Variants in CRB3 observed in about 807,000 individuals in gnomAD.
CRB3 encodes the protein crumbs cell polarity complex component 3.
In CRB3, 4 loss-of-function variants were observed where a neutral mutation model predicts 10.4. The observed-to-expected ratio is 0.39, with a 90% CI of 0.19 to 0.88. CRB3 has a LOEUF of 0.88. Among genes scored for constraint, CRB3 ranks in the 40% least tolerant of loss-of-function variants. The pLI, the probability that CRB3 is intolerant of heterozygous loss-of-function variation, is 0.39. For missense variants in CRB3, 154 were observed against 160.2 expected (o/e 0.96, Z 0.21); for synonymous variants, 74 against 73.4 (o/e 1.01, Z -0.04).
chr19:6,465,331 C>T (rs1396755587), intron 2 of CRB3: 11 of 604,726 alleles, frequency 1.8e-5, no homozygotes, highest in African/African-American at 5.6e-5. Context: ...CTGGGCTCTG[C>T]GGGACTGGGT....
intron 2 of CRB3, 54 bp from the exon 3 acceptor site, chr19:6,465,491 G>C: frequency 5.4e-6 from 8 of 1,478,092 alleles, no homozygotes; most frequent in Non-Finnish European, 7.6e-6. Context: ...CAGATGGGCG[G>C]GGATGGGAGA....
In CRB3 at chr19:6,465,607, G is replaced by A. The variant is rs769244816; in HGVS notation, c.145G>A (p.Asp49Asn). The A allele has an allele frequency of 1.7e-5, 28 of 1,613,508 alleles. No homozygotes were observed. Among genetic ancestry groups the A allele is most frequent in the Admixed American group, 3.3e-5 (2 of 59,992 alleles). The change falls in exon 3 of 4, where the codon GAT (aspartate) becomes AAT (asparagine). Residue 49 changes from aspartate (D) to asparagine (N), a missense_variant. Coordinates refer to ENST00000600229, the MANE Select transcript of CRB3 (RefSeq NM_139161.5). The stretch of plus-strand genomic sequence containing the variant: ...GCCTTCATCCACCAGCTCCAGCTCC[G>A]ATGGCAACCTGGTGAGTTGGAGGTA... ...VLPSSTSSSS[D>N]GNLRPEAITA...
At position 6,466,876 on chromosome 19, in the gene CRB3, C is replaced by A. The variant is rs2092797583; in HGVS notation, c.*204C>A. On this transcript the variant is annotated 3_prime_UTR_variant, in exon 4 of 4. Transcript: ENST00000600229. This position sits in a 1 kb window ranked among gnomAD's most constrained non-coding sequence, Gnocchi z 4.9. The stretch of plus-strand genomic sequence containing the variant: ...AGCTCAGGGTGCTGGGGCTCGGGAC[C>A]CACCCCCCTGCTTGCGGAACCAACT... 6.3e-7 allele frequency: 1 copy of A among 1,581,638 alleles called. No homozygotes were observed. Among genetic ancestry groups the A allele is most frequent in the South Asian group, 1.2e-5 (1 of 86,262 alleles).
chr19:6,466,607 C>G lies in CRB3; in HGVS notation c.298C>G (p.Gln100Glu). The G allele has an allele frequency of 6.2e-7, 1 of 1,606,540 alleles. No individual in the cohort carries two copies. The highest frequency in any genetic ancestry group is 1.3e-5 in the African/African-American group (1 of 75,046). The change falls in exon 4 of 4, where the codon CAG (glutamine) becomes GAG (glutamate). Residue 100 changes from glutamine (Q) to glutamate (E), a missense_variant. Physicochemically the swap from Gln to Glu is conservative, Grantham distance 29 (BLOSUM62 2). Transcript: ENST00000600229. The surrounding 1 kb of genome is among the most constrained non-coding windows in gnomAD (Gnocchi z 4.9). ...CACCTACCGGCCCAGTAGCGAGGAGCAGGTGGGTGCCCGCGTGCCACCGAC... is the reference window on the plus strand; with the variant it reads ...CACCTACCGGCCCAGTAGCGAGGAGGAGGTGGGTGCCCGCGTGCCACCGAC... Reference protein sequence around the residue: ...EGTYRPSSEEQVGARVPPTPN... With the variant: ...EGTYRPSSEEEVGARVPPTPN...
chr19:6,464,438 C>T lies in CRB3; in HGVS notation c.-95+88C>T. The T allele has an allele frequency of 2.8e-6, 1 of 355,112 alleles. No homozygotes were observed. Among genetic ancestry groups the T allele is most frequent in the Non-Finnish European group, 5.0e-6 (1 of 198,536 alleles). 22.0% of individuals were successfully genotyped at this position (355,112 alleles called of 1,614,324 possible). A position where few individuals can be genotyped will look rare whatever the true frequency, so the allele number is the denominator to read the frequency against. ...CCGTCCCGTCCCGTCCCCTTCCTTT[C>T]CCCAGCCCAGGAACGCGCTCCTGGG... On this transcript the variant is annotated intron_variant, in intron 1 of 3. Transcript: ENST00000600229. The surrounding 1 kb of genome is among the most constrained non-coding windows in gnomAD (Gnocchi z 5.3).
intron 2 of CRB3, chr19:6,465,247 C>G (rs2092788545): frequency 2.5e-6 from 1 of 396,578 alleles, no homozygotes; most frequent in East Asian, 4.3e-5. Context: ...CAGGGAAAAG[C>G]TAGGCCCGCC....
rs950504339 is a variant in CRB3, at chr19:6,467,093, A to G, written c.*421A>G. On this transcript the variant is annotated 3_prime_UTR_variant, in exon 4 of 4. Coordinates refer to ENST00000600229, the MANE Select transcript of CRB3 (RefSeq NM_139161.5). ...GGGAAAGGCAGTGCCCTCTCTGGGC[A>G]GTCAGATCCACCCAGTGCTTAATAG... The G allele has an allele frequency of 5.0e-6, 7 of 1,393,450 alleles. No individual in the cohort carries two copies. The highest frequency in any genetic ancestry group is 5.1e-6 in the Non-Finnish European group (5 of 985,600). 86.3% of individuals were successfully genotyped at this position (1,393,450 alleles called of 1,614,324 possible).
chr19:6,465,759 G>C, intron 3 of CRB3, 141 bp downstream of exon 3: 3 of 743,358 alleles, frequency 4.0e-6, no homozygotes, highest in Non-Finnish European at 4.9e-6. Flanking sequence ...AAGTAGGAGA[G>C]ACCTGAAGTC....
Position 6,465,341 on chromosome 19 carries a change from T to TGG in CRB3, c.83-204_83-203insGG, listed in dbSNP as rs1568389057. ...CCCTACTGGGCTCTGCGGGACTGGG[T>TGG]CGGGGGGGTGTCCTGGGGAGCAAAC... On this transcript the variant is annotated intron_variant, in intron 2 of 3. Coordinates refer to ENST00000600229, the MANE Select transcript of CRB3 (RefSeq NM_139161.5). 79 of 632,460 alleles carry TGG rather than the reference T, an allele frequency of 1.2e-4. No homozygotes were observed. The African/African-American group carries it at 1.4e-3, about 11-fold the overall frequency. The allele number at this position is 632,460 out of a possible 1,614,324, so 39.2% of individuals were successfully genotyped here. A position where few individuals can be genotyped will look rare whatever the true frequency, so the allele number is the denominator to read the frequency against.
At position 6,467,136 on chromosome 19, in the gene CRB3, CA is replaced by C; in HGVS notation, c.*467del. ...CTTAATAGCAGGGAAGAAGGTACTT[CA>C]AAGACTCTGCCCCTGAGGTCAAGAG... On this transcript the variant is annotated 3_prime_UTR_variant, in exon 4 of 4. Transcript: ENST00000600229. 1.1e-6 allele frequency: 1 copy of C among 906,048 alleles called. No individual in the cohort carries two copies. Among genetic ancestry groups the C allele is most frequent in the South Asian group, 1.6e-5 (1 of 63,994 alleles). The allele number at this position is 906,048 out of a possible 1,614,324, so 56.1% of individuals were successfully genotyped here. A position where few individuals can be genotyped will look rare whatever the true frequency, so the allele number is the denominator to read the frequency against.
In CRB3 at chr19:6,466,871, G is replaced by C. The variant is rs1378540431; in HGVS notation, c.*199G>C. On this transcript the variant is annotated 3_prime_UTR_variant, in exon 4 of 4. Transcript: ENST00000600229. The surrounding 1 kb of genome is among the most constrained non-coding windows in gnomAD (Gnocchi z 4.9). ...CCTGCAGCTCAGGGTGCTGGGGCTCGGGACCCACCCCCCTGCTTGCGGAAC... is the reference window on the plus strand; with the variant it reads ...CCTGCAGCTCAGGGTGCTGGGGCTCCGGACCCACCCCCCTGCTTGCGGAAC... 6.3e-7 allele frequency: 1 copy of C among 1,577,498 alleles called. No individual in the cohort carries two copies. The highest frequency in any genetic ancestry group is 2.2e-5 in the East Asian group (1 of 44,496).
In CRB3 at chr19:6,466,551, G is replaced by A. The variant is rs375384652; in HGVS notation, c.242G>A (p.Arg81Gln). 48 of 1,612,668 alleles carry A rather than the reference G, an allele frequency of 3.0e-5. 1 individual carries two copies. Among genetic ancestry groups the A allele is most frequent in the South Asian group, 3.0e-4 (27 of 91,076 alleles). The change falls in exon 4 of 4, where the codon CGG (arginine) becomes CAG (glutamine). Residue 81 changes from arginine to glutamine, a missense_variant. Arg to Gln is a conservative substitution (Grantham distance 43). Coordinates refer to ENST00000600229, the MANE Select transcript of CRB3 (RefSeq NM_139161.5). This position sits in a 1 kb window ranked among gnomAD's most constrained non-coding sequence, Gnocchi z 4.9. ...GCTGTGGGGCTGGCACTGTTGGTGC[G>A]GAAGCTTCGGGAGAAGCGGCAGACG... ...LLAVGLALLV[R>Q]KLREKRQTEG...
At chr19:6,465,454 G>A in intron 2 of CRB3, 91 bp from the exon 3 acceptor site, 1 of 1,000,062 alleles carries the variant, frequency 1.0e-6, no homozygotes, top group Admixed American at 1.7e-5. Context: ...GCTAGGGGGA[G>A]GTGAAGGGGA....
chr19:6,466,752 A>G lies in CRB3; in HGVS notation c.*80A>G. On this transcript the variant is annotated 3_prime_UTR_variant, in exon 4 of 4. Coordinates refer to ENST00000600229, the MANE Select transcript of CRB3 (RefSeq NM_139161.5). This position sits in a 1 kb window ranked among gnomAD's most constrained non-coding sequence, Gnocchi z 4.9. ...TGTACACCGCAGCTGCCACCGAGAC[A>G]CCAGCCTCTGATGGCTCAGGAGGAC... is the stretch of plus-strand genomic sequence containing the variant. 1.3e-6 allele frequency: 2 copies of G among 1,554,190 alleles called. No homozygotes were observed. The highest frequency in any genetic ancestry group is 1.7e-6 in the Non-Finnish European group (2 of 1,154,280).
At chr19:6,464,071 C>T (rs1279365007), upstream of CRB3, 2 of 152,250 alleles carry the variant, frequency 1.3e-5, no homozygotes, top group Non-Finnish European at 2.9e-5. The surrounding 1 kb of genome is among the most constrained non-coding windows in gnomAD (Gnocchi z 5.3). Context: ...CACACCTGCG[C>T]GCTTCCGCGG....
At position 6,466,412 on chromosome 19, in the gene CRB3, G is replaced by A; in HGVS notation, c.157-54G>A. 1 of 1,460,996 alleles carries A rather than the reference G, an allele frequency of 6.8e-7. No individual in the cohort carries two copies. The highest frequency in any genetic ancestry group is 2.3e-5 in the East Asian group (1 of 44,162). 90.5% of individuals were successfully genotyped at this position (1,460,996 alleles called of 1,614,324 possible). A position where few individuals can be genotyped will look rare whatever the true frequency, so the allele number is the denominator to read the frequency against. ...TGATGAGGGGGATGCCATTCAGGTG[G>A]AGGTGGACAGGCTACCCAGGCTCAG... On this transcript the variant is annotated intron_variant, in intron 3 of 3. Coordinates refer to ENST00000600229, the MANE Select transcript of CRB3 (RefSeq NM_139161.5). This position sits in a 1 kb window ranked among gnomAD's most constrained non-coding sequence, Gnocchi z 4.9.
At position 6,466,886 on chromosome 19, in the gene CRB3, G is replaced by A. The variant is rs927882263; in HGVS notation, c.*214G>A. Reference sequence around the variant, plus strand: ...GCTGGGGCTCGGGACCCACCCCCCTGCTTGCGGAACCAACTTTTCTCTGTG... The same window carrying A: ...GCTGGGGCTCGGGACCCACCCCCCTACTTGCGGAACCAACTTTTCTCTGTG... On this transcript the variant is annotated 3_prime_UTR_variant, in exon 4 of 4. Coordinates refer to ENST00000600229, the MANE Select transcript of CRB3 (RefSeq NM_139161.5). This position sits in a 1 kb window ranked among gnomAD's most constrained non-coding sequence, Gnocchi z 4.9. 2.5e-6 allele frequency: 4 copies of A among 1,586,732 alleles called. No individual in the cohort carries two copies. Among genetic ancestry groups the A allele is most frequent in the Non-Finnish European group, 3.4e-6 (4 of 1,164,496 alleles).
intron 2 of CRB3, chr19:6,465,339 G>A: frequency 1.6e-6 from 1 of 631,874 alleles, no homozygotes; most frequent in Non-Finnish European, 2.9e-6. Flanking sequence ...TGCGGGACTG[G>A]GTCGGGGGGG....
Position 6,466,455 on chromosome 19 carries a change from C to T in CRB3, c.157-11C>T. The T allele has an allele frequency of 6.2e-7, 1 of 1,612,976 alleles. No homozygotes were observed. Among genetic ancestry groups the T allele is most frequent in the East Asian group, 2.2e-5 (1 of 44,880 alleles). On this transcript the variant is annotated splice_polypyrimidine_tract_variant and intron_variant, in intron 3 of 3. Coordinates refer to ENST00000600229, the MANE Select transcript of CRB3 (RefSeq NM_139161.5). This position sits in a 1 kb window ranked among gnomAD's most constrained non-coding sequence, Gnocchi z 4.9. ...AGGCTCAGGTGATTCACACCTGTCC[C>T]CTCTCTGCAGCGTCCAGAAGCCATC...
Sources: gnomAD v4.1 joint callset for allele counts on GRCh38, gnomAD v4.1.1 for gene constraint, Gnocchi (gnomAD v3.1) non-coding constraint, MANE v1.5 for transcripts, NCBI Gene and HGNC (gene_info 2026-07-23, HGNC 2026-07-21) for gene names.